ALG14: variants seen among roughly 807,000 people sequenced by gnomAD.
The protein encoded by ALG14 is ALG14 UDP-N-acetylglucosaminyltransferase subunit, also known as UDP-N-acetylglucosamine transferase subunit ALG14.
In ALG14, 17 loss-of-function variants were observed where a neutral mutation model predicts 22.8. That is an observed-to-expected ratio of 0.75 (90% CI 0.51 to 1.12). ALG14 has a LOEUF of 1.12. Ranked by LOEUF, ALG14 falls within the 50% of genes most tolerant of loss-of-function variation. The pLI is 0.00. For synonymous variants in ALG14, 89 were observed against 103.7 expected (o/e 0.86, Z 0.86); for missense variants, 288 against 271.8 (o/e 1.06, Z -0.42).
intron 3 of ALG14, among the ~76,000 whole-genome samples, chr1:95,002,412 G>A (rs74101961): frequency 0.047 from 7,163 of 151,872 alleles, 226 homozygotes; most frequent in African/African-American, 0.085. Context: ...GCGGGTTGGG[G>A]ATGGGGAGAA....
intron 3 of ALG14, among the ~76,000 whole-genome samples, chr1:95,009,152 T>C (rs1158559318): frequency 6.6e-6 from 1 of 151,972 alleles, no homozygotes; most frequent in African/African-American, 2.4e-5. Flanking sequence ...CTTTCAGTTC[T>C]TTTGAGTATA....
chr1:95,018,538 TTAG>T (rs1673570065), intron 3 of ALG14, among the ~76,000 whole-genome samples: 2 of 151,494 alleles, frequency 1.3e-5, no homozygotes, highest in Admixed American at 1.3e-4. Context: ...TCTGTCTCAA[TTAG>T]TAGAAAAAAA....
chr1:95,030,016 C>T lies in ALG14; in HGVS notation c.289-2756G>A, dbSNP rs143887610. Among the ~76,000 whole-genome samples the T allele has an allele frequency of 3.8e-3, 572 of 152,272 alleles. 10 individuals are homozygous for T. Among genetic ancestry groups the T allele is most frequent in the African/African-American group, 0.013 (542 of 41,542 alleles). On this transcript the variant is annotated intron_variant, in intron 2 of 3. Transcript: ENST00000370205. Reference sequence around the variant, plus strand: ...AATAGCAAATTGTTTGAGGTTTATGCTCATCTAAGTTGTGGAGATTACTAA... The same window carrying T: ...AATAGCAAATTGTTTGAGGTTTATGTTCATCTAAGTTGTGGAGATTACTAA...
chr1:95,012,861 G>A lies in ALG14; in HGVS notation c.420+14268C>T, dbSNP rs542255110. Reference sequence around the variant, plus strand: ...AAACAATGAAAAACAGGTCAGGCACGGTGGCTCGTGCCTGTAATCACAGCA... The same window carrying A: ...AAACAATGAAAAACAGGTCAGGCACAGTGGCTCGTGCCTGTAATCACAGCA... On this transcript the variant is annotated intron_variant, in intron 3 of 3. Transcript: ENST00000370205. Among the ~76,000 whole-genome samples the A allele has an allele frequency of 2.6e-5, 4 of 152,234 alleles. No homozygotes were observed. The East Asian group carries it at 5.8e-4, about 22-fold the overall frequency.
intron 3 of ALG14, among the ~76,000 whole-genome samples, chr1:94,985,109 G>A (rs553241242): frequency 4.6e-5 from 7 of 152,212 alleles, no homozygotes; most frequent in South Asian, 2.1e-4. Flanking sequence ...AAGGAGTTAC[G>A]TTGCTTCAGG....
intron 2 of ALG14, among the ~76,000 whole-genome samples, chr1:95,057,692 T>G (rs1247773618): frequency 6.6e-6 from 1 of 150,978 alleles, no homozygotes; most frequent in Non-Finnish European, 1.5e-5. Context: ...GAAAAAGGAT[T>G]AGTTTACAGA....
chr1:95,022,108 T>A (rs568061237), intron 3 of ALG14, among the ~76,000 whole-genome samples: 1 of 152,248 alleles, frequency 6.6e-6, no homozygotes, highest in South Asian at 2.1e-4. Flanking sequence ...GTTTGCCAAG[T>A]GGAAAAAGCA....
chr1:94,998,130 A>C (rs1351696992), intron 3 of ALG14, among the ~76,000 whole-genome samples: 1 of 152,208 alleles, frequency 6.6e-6, no homozygotes, highest in Non-Finnish European at 1.5e-5. Flanking sequence ...GTAACATTTA[A>C]AATAAAATTC....
chr1:95,072,676 C>A, intron 1 of ALG14, 87 bp downstream of exon 1: 1 of 1,542,942 alleles, frequency 6.5e-7, no homozygotes, highest in East Asian at 2.3e-5. Flanking sequence ...CCAAGAAGTG[C>A]TAAGGGTACC....
At chr1:95,020,636 G>T (rs893774870) in intron 3 of ALG14, among the ~76,000 whole-genome samples, 33 of 151,628 alleles carry the variant, frequency 2.2e-4, no homozygotes, top group African/African-American at 7.0e-4. Flanking sequence ...TACTTGGGAG[G>T]CTGAGGCAGG....
At chr1:95,026,544 G>A (rs1329042145) in intron 3 of ALG14, among the ~76,000 whole-genome samples, 2 of 151,778 alleles carry the variant, frequency 1.3e-5, no homozygotes, top group Non-Finnish European at 2.9e-5. Flanking sequence ...GGCTGTTGGA[G>A]CAGTCAGAAC....
chr1:95,054,217 T>C (rs1053205195), intron 2 of ALG14, among the ~76,000 whole-genome samples: 3 of 152,166 alleles, frequency 2.0e-5, no homozygotes, highest in Non-Finnish European at 2.9e-5. Flanking sequence ...TCCTCAGTGT[T>C]GAAGGAGGGG....
chr1:94,984,259 A>T (rs781599617), intron 3 of ALG14, among the ~76,000 whole-genome samples: 4 of 152,178 alleles, frequency 2.6e-5, no homozygotes, highest in African/African-American at 9.7e-5. Flanking sequence ...GGCATGCTCT[A>T]TGTCACATGA....
chr1:95,015,551 T>C (rs934928934), intron 3 of ALG14, among the ~76,000 whole-genome samples: 19 of 151,998 alleles, frequency 1.3e-4, no homozygotes, highest in Admixed American at 6.6e-5. Context: ...CTCAAGAAAA[T>C]GAGGAACCAA....
intron 2 of ALG14, among the ~76,000 whole-genome samples, chr1:95,059,180 C>T (rs929159133): frequency 7.9e-5 from 12 of 151,686 alleles, no homozygotes; most frequent in Admixed American, 6.6e-4. Flanking sequence ...AAGCGGATGA[C>T]GAGGTCAGGA....
At chr1:95,064,282 T>C (rs1675273045) in intron 2 of ALG14, among the ~76,000 whole-genome samples, 1 of 152,186 alleles carries the variant, frequency 6.6e-6, no homozygotes, top group Non-Finnish European at 1.5e-5. Context: ...TTCTTTCTCT[T>C]TCCTGATTGC....
chr1:95,040,831 A>C (rs1444529363), intron 2 of ALG14, among the ~76,000 whole-genome samples: 1 of 152,244 alleles, frequency 6.6e-6, no homozygotes, highest in Non-Finnish European at 1.5e-5. Flanking sequence ...TAAGAATCCC[A>C]TACAATACAA....
intron 3 of ALG14, among the ~76,000 whole-genome samples, chr1:94,991,482 C>T (rs1358843182): frequency 1.3e-5 from 2 of 152,152 alleles, no homozygotes; most frequent in African/African-American, 4.8e-5. Flanking sequence ...GATCTAAACA[C>T]ATCTAAACAT....
At chr1:95,052,357 T>G (rs1204817013) in intron 2 of ALG14, among the ~76,000 whole-genome samples, 5 of 152,134 alleles carry the variant, frequency 3.3e-5, no homozygotes, top group African/African-American at 7.2e-5. Context: ...TTAGGTGGTA[T>G]AAACACAAAT....
Sources: allele counts gnomAD v4.1 joint callset (sites outside exome capture counted in the v4.1 genomes callset), GRCh38; gene constraint gnomAD v4.1.1; transcripts MANE v1.5; gene names NCBI Gene and HGNC (gene_info 2026-07-23, HGNC 2026-07-21).